LPP: variants seen among roughly 807,000 people sequenced by gnomAD.
The protein encoded by LPP is lipoma-preferred partner.
A neutral mutation model predicts 60.4 loss-of-function variants in LPP; 38 were observed. The observed-to-expected ratio is 0.63, with a 90% CI of 0.49 to 0.83. The LOEUF is 0.83. Among genes scored for constraint, LPP ranks in the 40% least tolerant of loss-of-function variants. The pLI is 0.00. For missense variants in LPP, 902 were observed against 783.6 expected (o/e 1.15, Z -1.80); for synonymous variants, 328 against 290.8 (o/e 1.13, Z -1.30).
intron 7 of LPP, among the ~76,000 whole-genome samples, chr3:188,624,233 T>C (rs929606943): frequency 2.6e-5 from 4 of 152,134 alleles, no homozygotes; most frequent in Non-Finnish European, 5.9e-5. Flanking sequence ...GTTTTGTACA[T>C]TTGCATTAAA....
At chr3:188,625,286 C>CACAG (rs1214048444) in intron 7 of LPP, among the ~76,000 whole-genome samples, 1 of 152,010 alleles carries the variant, frequency 6.6e-6, no homozygotes, top group Non-Finnish European at 1.5e-5. Flanking sequence ...AACTAAGACC[C>CACAG]ACAGAATGAC....
intron 6 of LPP, among the ~76,000 whole-genome samples, chr3:188,588,591 AC>A (rs1221140368): frequency 3.3e-5 from 5 of 152,198 alleles, no homozygotes; most frequent in African/African-American, 1.2e-4. Context: ...AAGCTCACAT[AC>A]CTCAGTTTCC....
chr3:188,686,875 G>T (rs1860861965), intron 7 of LPP, among the ~76,000 whole-genome samples: 1 of 152,168 alleles, frequency 6.6e-6, no homozygotes, highest in Non-Finnish European at 1.5e-5. Flanking sequence ...AAAAAACAAG[G>T]AGTGAAGACC....
At chr3:188,279,068 G>T (rs900570197) in intron 2 of LPP, among the ~76,000 whole-genome samples, 8 of 152,172 alleles carry the variant, frequency 5.3e-5, no homozygotes, top group Admixed American at 2.6e-4. Flanking sequence ...TTGGATCTGG[G>T]TTCAGGACTC....
At chr3:188,404,752 G>A (rs1418204970) in intron 3 of LPP, among the ~76,000 whole-genome samples, 1 of 152,294 alleles carries the variant, frequency 6.6e-6, no homozygotes, top group East Asian at 1.9e-4. Context: ...GACATCTGGA[G>A]GTAATTGTGT....
At chr3:188,358,237 A>G (rs1768186407) in intron 3 of LPP, among the ~76,000 whole-genome samples, 1 of 152,210 alleles carries the variant, frequency 6.6e-6, no homozygotes, top group African/African-American at 2.4e-5. Flanking sequence ...TAATAATATA[A>G]TAGCTAAAGC....
chr3:188,242,147 A>G (rs1172774050), intron 2 of LPP, among the ~76,000 whole-genome samples: 1 of 152,232 alleles, frequency 6.6e-6, no homozygotes, highest in Non-Finnish European at 1.5e-5. Flanking sequence ...AAATCCTTAA[A>G]TATATGGCAC....
chr3:188,341,010 A>C (rs375884470), intron 2 of LPP, among the ~76,000 whole-genome samples: 1 of 152,222 alleles, frequency 6.6e-6, no homozygotes, highest in African/African-American at 2.4e-5. Context: ...TAATCTTCAC[A>C]TACATATGAA....
intron 2 of LPP, among the ~76,000 whole-genome samples, chr3:188,252,641 C>G (rs1025053552): frequency 6.6e-6 from 1 of 152,080 alleles, no homozygotes; most frequent in Non-Finnish European, 1.5e-5. Flanking sequence ...AGTGGTATCT[C>G]AGTATAGTTT....
At chr3:188,266,122 A>G (rs1012586972) in intron 2 of LPP, among the ~76,000 whole-genome samples, 1 of 151,910 alleles carries the variant, frequency 6.6e-6, no homozygotes, top group Admixed American at 6.6e-5. Flanking sequence ...TGTTCTTCCC[A>G]TCCTTTTTTC....
chr3:188,697,495 G>C (rs1201058695), intron 7 of LPP, among the ~76,000 whole-genome samples: 1 of 152,148 alleles, frequency 6.6e-6, no homozygotes, highest in Middle Eastern at 3.2e-3. Context: ...GTAGGAAAGT[G>C]TTTTTATGCA....
chr3:188,688,113 A>G (rs1244292659), intron 7 of LPP, among the ~76,000 whole-genome samples: 1 of 152,178 alleles, frequency 6.6e-6, no homozygotes, highest in African/African-American at 2.4e-5. Context: ...TAGTTTTTCC[A>G]AAGTACTTGG....
At chr3:188,701,087 A>T (rs1864307764) in intron 7 of LPP, among the ~76,000 whole-genome samples, 1 of 152,252 alleles carries the variant, frequency 6.6e-6, no homozygotes, top group Non-Finnish European at 1.5e-5. Context: ...GTAAATGTAT[A>T]ATCAAATACC....
chr3:188,471,819 T>C (rs1245058088), intron 4 of LPP, among the ~76,000 whole-genome samples: 1 of 152,222 alleles, frequency 6.6e-6, no homozygotes, highest in Non-Finnish European at 1.5e-5. Context: ...AGCCAGATAC[T>C]GGGAAGCAGT....
chr3:188,501,893 G>A (rs545207250), intron 5 of LPP, among the ~76,000 whole-genome samples: 1 of 151,962 alleles, frequency 6.6e-6, no homozygotes, highest in South Asian at 2.1e-4. Context: ...CTCCAGCCTG[G>A]GCAACAGTGT....
chr3:188,507,433 T>C (rs1813856777), intron 5 of LPP, among the ~76,000 whole-genome samples: 1 of 152,186 alleles, frequency 6.6e-6, no homozygotes, highest in Admixed American at 6.5e-5. Context: ...TGTGTTTCCT[T>C]AGTGCCATTT....
At chr3:188,461,786 G>A (rs1290757287) in intron 4 of LPP, among the ~76,000 whole-genome samples, 1 of 152,102 alleles carries the variant, frequency 6.6e-6, no homozygotes, top group Non-Finnish European at 1.5e-5. Flanking sequence ...CCTTAATGAG[G>A]TTTTAAGGGA....
intron 5 of LPP, among the ~76,000 whole-genome samples, chr3:188,486,462 T>C (rs1043157726): frequency 7.3e-5 from 11 of 151,514 alleles, no homozygotes; most frequent in African/African-American, 2.7e-4. Flanking sequence ...AGGGAGGGGG[T>C]CAAGGCTTAC....
intron 9 of LPP, among the ~76,000 whole-genome samples, chr3:188,820,291 G>A (rs1753618531): frequency 6.6e-6 from 1 of 152,082 alleles, no homozygotes; most frequent in Admixed American, 6.6e-5. Context: ...GTGTTTGTGT[G>A]TGTATGTGTG....
Sources: allele counts gnomAD v4.1 joint callset (sites outside exome capture counted in the v4.1 genomes callset), GRCh38; gene constraint gnomAD v4.1.1; transcripts MANE v1.5; gene names NCBI Gene and HGNC (gene_info 2026-07-23, HGNC 2026-07-21).